Variants in PLEKHG1 observed in about 807,000 individuals in gnomAD.
The protein encoded by PLEKHG1 is pleckstrin homology domain-containing family G member 1.
In PLEKHG1, 44 loss-of-function variants were observed where a neutral mutation model predicts 100.8. The ratio of observed to expected loss-of-function variants is 0.44; its 90% CI spans 0.34 to 0.56. PLEKHG1 has a LOEUF of 0.56. Among genes scored for constraint, PLEKHG1 ranks in the 20% least tolerant of loss-of-function variants. PLEKHG1 has a pLI of 0.01. For synonymous variants in PLEKHG1, 640 were observed against 662.5 expected (o/e 0.97, Z 0.52); for missense variants, 1,545 against 1,720.9 (o/e 0.90, Z 1.81).
intron 3 of PLEKHG1, among the ~76,000 whole-genome samples, chr6:150,709,536 CTTAGATTT>C (rs1410881724): frequency 6.6e-6 from 1 of 152,064 alleles, no homozygotes; most frequent in African/African-American, 2.4e-5. Context: ...ATCATGGAAC[CTTAGATTT>C]TTAGATTTGG....
intron 2 of PLEKHG1, among the ~76,000 whole-genome samples, chr6:150,758,555 A>G (rs935126025): frequency 1.1e-4 from 16 of 152,120 alleles, no homozygotes; most frequent in East Asian, 5.8e-4. Context: ...GGCTGGTCTC[A>G]AACTCCTGAC....
intron 14 of PLEKHG1, among the ~76,000 whole-genome samples, chr6:150,827,084 G>C (rs528692128): frequency 4.2e-5 from 6 of 144,220 alleles, no homozygotes; most frequent in East Asian, 4.1e-4. Context: ...GTAGAGATGG[G>C]GTGTCTCACC....
chr6:150,788,586 G>T (rs151164652), intron 4 of PLEKHG1, among the ~76,000 whole-genome samples: 1 of 152,116 alleles, frequency 6.6e-6, no homozygotes, highest in East Asian at 1.9e-4. Flanking sequence ...TTAAAGTTTC[G>T]TGCTGGGCAG....
chr6:150,831,891 C>G lies in PLEKHG1; in HGVS notation c.2780C>G (p.Ser927Cys). Reference sequence around the variant, plus strand: ...GAAGACCTGATTTCTAAAGAAGGCTCCTTTATGAGCCTTAACCGGCTTTCT... The same window carrying G: ...GAAGACCTGATTTCTAAAGAAGGCTGCTTTATGAGCCTTAACCGGCTTTCT... The change falls in exon 15 of 16, where the codon TCC (serine) becomes TGC (cysteine). Residue 927 changes from serine (S) to cysteine (C), a missense_variant. Physicochemically the swap from Ser to Cys is moderately radical, Grantham distance 112 (BLOSUM62 -1). Coordinates refer to ENST00000358517, the Ensembl canonical transcript of PLEKHG1. The surrounding 1 kb of genome is among the most constrained non-coding windows in gnomAD (Gnocchi z 4.1). The G allele has an allele frequency of 1.9e-6, 3 of 1,614,044 alleles. No homozygotes were observed. Among genetic ancestry groups the G allele is most frequent in the Non-Finnish European group, 2.5e-6 (3 of 1,179,936 alleles).
chr6:150,718,280 T>C (rs1237411304), upstream of PLEKHG1, among the ~76,000 whole-genome samples: 1 of 151,682 alleles, frequency 6.6e-6, no homozygotes, highest in Admixed American at 6.6e-5. Context: ...CTCCAAGAAA[T>C]GTTAACGGTT....
intron 3 of PLEKHG1, chr6:150,686,641 G>A (rs544499071): frequency 6.6e-6 from 1 of 152,132 alleles, no homozygotes; most frequent in East Asian, 1.9e-4. Context: ...TATGTTTCCT[G>A]TTGTCTGTTT....
chr6:150,812,347 G>A lies in PLEKHG1; in HGVS notation c.1278+2613G>A, dbSNP rs78310911. On this transcript the variant is annotated intron_variant, in intron 10 of 15. Transcript: ENST00000358517. ...CCCAACATCTAAGTGATCAGCAAGCGGGTGGGGGGATTTGGAGAACAGCCA... is the reference window on the plus strand; with the variant it reads ...CCCAACATCTAAGTGATCAGCAAGCAGGTGGGGGGATTTGGAGAACAGCCA... Among the ~76,000 whole-genome samples, 1,029 of 152,286 alleles carry A rather than the reference G, an allele frequency of 6.8e-3. 3 individuals carry two copies. The highest frequency in any genetic ancestry group is 0.011 in the Non-Finnish European group (720 of 68,018).
intron 6 of PLEKHG1, 21 bp downstream of exon 7, chr6:150,800,890 A>T: frequency 1.2e-6 from 2 of 1,607,416 alleles, no homozygotes; most frequent in South Asian, 1.1e-5. Context: ...GCCTGGCATG[A>T]GCACTTTCCA....
In PLEKHG1 at chr6:150,701,157, T is replaced by C. The variant is rs143267564; in HGVS notation, c.-98-32427T>C. ...CAACATGGTGAAACCTTGACTCTAC[T>C]AAAAATACAAAAATTAGCCAGGTGT... On this transcript the variant is annotated intron_variant, in intron 3 of 3. Coordinates refer to the PLEKHG1 transcript ENST00000367326. 9.0e-3 allele frequency among the ~76,000 whole-genome samples: 1,366 copies of C among 151,286 alleles called. 17 individuals are homozygous for C. The highest frequency in any genetic ancestry group is 0.045 in the South Asian group (212 of 4,744).
intron 3 of PLEKHG1, among the ~76,000 whole-genome samples, chr6:150,785,847 C>T (rs980922751): frequency 6.6e-6 from 1 of 152,046 alleles, no homozygotes; most frequent in Non-Finnish European, 1.5e-5. Context: ...GGAGCACACA[C>T]CCTATTGTGA....
At chr6:150,817,111 C>T (rs1001288294) in intron 10 of PLEKHG1, among the ~76,000 whole-genome samples, 2 of 152,148 alleles carry the variant, frequency 1.3e-5, no homozygotes, top group Non-Finnish European at 2.9e-5. Context: ...GTCTGTGGCT[C>T]GGGGGTTGGG....
At chr6:150,737,618 T>C (rs1206855940) in intron 2 of PLEKHG1, among the ~76,000 whole-genome samples, 1 of 152,178 alleles carries the variant, frequency 6.6e-6, no homozygotes, top group Non-Finnish European at 1.5e-5. Flanking sequence ...ACATAGAATA[T>C]CAACTCCTTT....
chr6:150,841,116 T>C (rs1777513016), exon 16 of PLEKHG1: 9 of 670,490 alleles, frequency 1.3e-5, no homozygotes, highest in Non-Finnish European at 2.4e-5. Context: ...TTTCTCATGC[T>C]GAGTGTCTTC....
chr6:150,653,202 TTAA>T (rs1325780847), intron 3 of PLEKHG1, among the ~76,000 whole-genome samples: 8 of 152,156 alleles, frequency 5.3e-5, no homozygotes, highest in African/African-American at 1.9e-4. Context: ...TAACTTTACT[TTAA>T]AAACAGAAGA....
chr6:150,744,309 C>T (rs1562481279), intron 2 of PLEKHG1, among the ~76,000 whole-genome samples: 1 of 152,132 alleles, frequency 6.6e-6, no homozygotes, highest in Non-Finnish European at 1.5e-5. Context: ...CTCCTAACCT[C>T]GTGATCTGCC....
intron 7 of PLEKHG1, among the ~76,000 whole-genome samples, chr6:150,806,914 G>T (rs1787149742): frequency 6.6e-6 from 1 of 151,540 alleles, no homozygotes; most frequent in South Asian, 2.1e-4. Context: ...ATTCTGAGTA[G>T]CATGATGAAA....
chr6:150,766,053 T>C (rs530841684), intron 2 of PLEKHG1, among the ~76,000 whole-genome samples: 7 of 152,308 alleles, frequency 4.6e-5, no homozygotes, highest in African/African-American at 1.4e-4. Flanking sequence ...CGTGTGCAAA[T>C]CTTATAATGG....
exon 15 of PLEKHG1, chr6:150,832,199 G>C: frequency 6.3e-7 from 1 of 1,588,402 alleles, no homozygotes; most frequent in African/African-American, 1.4e-5. Context: ...AGGAGGGCCC[G>C]CCATTGGTAT....
In PLEKHG1 at chr6:150,657,668, T is replaced by TA. The variant is rs796384886; in HGVS notation, c.-99+6883dup. 3.7e-4 allele frequency among the ~76,000 whole-genome samples: 56 copies of TA among 152,322 alleles called. 1 individual carries two copies. The highest frequency in any genetic ancestry group is 1.3e-3 in the African/African-American group (53 of 41,578). The stretch of plus-strand genomic sequence containing the variant: ...AATGGTTAGCAAGTTATTCACTTGT[T>TA]ATAAAGCTAGGTACAAGATCATTGT... On this transcript the variant is annotated intron_variant, in intron 3 of 3. Transcript: ENST00000367326.
Sources: gnomAD v4.1 joint callset for allele counts (sites outside exome capture counted in the v4.1 genomes callset) on GRCh38, gnomAD v4.1.1 for gene constraint, Gnocchi (gnomAD v3.1) non-coding constraint, MANE v1.5 for transcripts, NCBI Gene and HGNC (gene_info 2026-07-23, HGNC 2026-07-21) for gene names.